Variants in KLF12 observed in about 807,000 individuals in gnomAD.
KLF12 encodes the protein Krueppel-like factor 12.
Under a neutral mutation model 37.8 loss-of-function variants are expected in KLF12, and 9 were observed. The observed-to-expected ratio is 0.24, with a 90% confidence interval of 0.14 to 0.42. The LOEUF is 0.42. Among genes scored for constraint, KLF12 ranks in the 10% least tolerant of loss-of-function variants. The probability of loss-of-function intolerance (pLI) is 1.00; values close to 1 mark genes in which losing one functional copy is unlikely to be tolerated. For synonymous variants in KLF12, 208 were observed against 202.1 expected, an observed-to-expected ratio of 1.03 and a Z score of -0.25; for missense variants, 411 against 516.0, an observed-to-expected ratio of 0.80 and a Z score of 1.97.
chr13:73,847,476 A>G (rs1190639441), intron 3 of KLF12, among the ~76,000 whole-genome samples: 1 of 152,156 alleles, frequency 6.6e-6, no homozygotes, highest in East Asian at 1.9e-4. Flanking sequence ...AAGGAATGAA[A>G]CATGTTTCCT....
chr13:74,221,127 G>C, the KLF12 span, among the ~76,000 whole-genome samples: 9 of 151,248 alleles, frequency 6.0e-5, no homozygotes, highest in Admixed American at 2.0e-4. Flanking sequence ...GCCTCAGCCT[G>C]CGGAGTAGCT....
At chr13:74,248,949 A>G in the KLF12 span, among the ~76,000 whole-genome samples, 2 of 152,112 alleles carry the variant, frequency 1.3e-5, no homozygotes, top group African/African-American at 4.8e-5. Context: ...GGAACAATGG[A>G]CAGTCAGTCT....
intron 6 of KLF12, among the ~76,000 whole-genome samples, chr13:73,758,548 A>G (rs1254183276): frequency 6.6e-6 from 1 of 152,172 alleles, no homozygotes; most frequent in Non-Finnish European, 1.5e-5. Context: ...GAATCAACAA[A>G]GAGTACAATG....
the KLF12 span, among the ~76,000 whole-genome samples, chr13:74,265,143 G>A: frequency 2.7e-4 from 41 of 152,232 alleles, no homozygotes; most frequent in East Asian, 7.7e-3. Context: ...GGAACTACTA[G>A]TATCTACAAA....
intron 1 of KLF12, among the ~76,000 whole-genome samples, chr13:74,060,838 T>C (rs1270556621): frequency 6.6e-6 from 1 of 152,194 alleles, no homozygotes; most frequent in African/African-American, 2.4e-5. Flanking sequence ...TTTTCTAAAA[T>C]GTTCACTGAT....
the KLF12 span, among the ~76,000 whole-genome samples, chr13:74,302,016 C>A: frequency 1.4e-4 from 22 of 152,102 alleles, no homozygotes; most frequent in African/African-American, 4.8e-4. Context: ...TGACAAATAA[C>A]CTCCAGGAAA....
Position 73,693,395 on chromosome 13 carries a change from T to C in KLF12, c.*2095A>G, listed in dbSNP as rs1873927382. ...TAAAGATGCTATTTATCACTAGAAC[T>C]GCAGCCCTTGTTGGAGGGAAATTGC... On this transcript the variant is annotated 3_prime_UTR_variant, in exon 8 of 8. Coordinates refer to ENST00000377669, the MANE Select transcript of KLF12 (RefSeq NM_007249.5). 1.3e-5 allele frequency: 2 copies of C among 152,230 alleles called. No homozygotes were observed. Among genetic ancestry groups the C allele is most frequent in the Admixed American group, 1.3e-4 (2 of 15,282 alleles). 9.4% of individuals were successfully genotyped at this position (152,230 alleles called of 1,614,324 possible).
At chr13:74,114,534 G>A (rs897141679) in intron 1 of KLF12, among the ~76,000 whole-genome samples, 1 of 152,144 alleles carries the variant, frequency 6.6e-6, no homozygotes, top group African/African-American at 2.4e-5. Context: ...GTGGGTCACT[G>A]ACATCATACT....
At chr13:74,123,110 T>C (rs763531653) in intron 1 of KLF12, among the ~76,000 whole-genome samples, 1 of 152,080 alleles carries the variant, frequency 6.6e-6, no homozygotes, top group African/African-American at 2.4e-5. Context: ...TGTGTTTCTT[T>C]GAAAACTTAA....
chr13:74,137,978 C>T (rs1057276601), upstream of KLF12, among the ~76,000 whole-genome samples: 5 of 152,204 alleles, frequency 3.3e-5, no homozygotes, highest in Non-Finnish European at 7.3e-5. Flanking sequence ...TCAGGCTGGT[C>T]TTGAACTCCC....
intron 2 of KLF12, among the ~76,000 whole-genome samples, chr13:73,984,519 G>A (rs914036090): frequency 3.3e-5 from 5 of 152,104 alleles, no homozygotes; most frequent in Admixed American, 2.0e-4. Flanking sequence ...GGACTGGCAT[G>A]TGCCCTTGTA....
intron 4 of KLF12, among the ~76,000 whole-genome samples, chr13:73,837,352 G>A (rs1003605464): frequency 2.0e-5 from 3 of 152,126 alleles, no homozygotes; most frequent in Non-Finnish European, 4.4e-5. Flanking sequence ...ATGAAGCAGC[G>A]AAATCGACAG....
chr13:73,906,571 T>C lies in KLF12; in HGVS notation c.123+37410A>G, dbSNP rs146264611. 9.8e-3 allele frequency among the ~76,000 whole-genome samples: 1,496 copies of C among 152,314 alleles called. 37 individuals are homozygous for C. Among genetic ancestry groups the C allele is most frequent in the African/African-American group, 0.034 (1,426 of 41,554 alleles). On this transcript the variant is annotated intron_variant, in intron 3 of 7. Coordinates refer to ENST00000377669, the MANE Select transcript of KLF12 (RefSeq NM_007249.5). Reference sequence around the variant, plus strand: ...TTTCATTACTTGCTCACTTTTGTGGTTCATCTTTTATTTCTTTAAATAAGT... The same window carrying C: ...TTTCATTACTTGCTCACTTTTGTGGCTCATCTTTTATTTCTTTAAATAAGT...
the KLF12 span, among the ~76,000 whole-genome samples, chr13:74,244,209 C>A: frequency 4.9e-4 from 75 of 152,296 alleles, no homozygotes; most frequent in Admixed American, 3.6e-3. Flanking sequence ...ACCTGGACTT[C>A]CCTCCAGTCT....
the KLF12 span, among the ~76,000 whole-genome samples, chr13:74,238,809 C>T: frequency 4.6e-5 from 7 of 152,008 alleles, no homozygotes; most frequent in East Asian, 1.9e-4. Flanking sequence ...TTTTTTATTG[C>T]GTCTACTTGA....
the KLF12 span, among the ~76,000 whole-genome samples, chr13:74,265,670 T>C: frequency 6.6e-6 from 1 of 152,222 alleles, no homozygotes; most frequent in Non-Finnish European, 1.5e-5. Context: ...CATCTCACTG[T>C]AGGCATAGTG....
intron 5 of KLF12, among the ~76,000 whole-genome samples, chr13:73,776,858 A>G (rs1880639738): frequency 1.3e-5 from 2 of 152,196 alleles, no homozygotes; most frequent in South Asian, 4.1e-4. Flanking sequence ...AAATACATGA[A>G]CAGGAAGGAA....
rs78402781 is a variant in KLF12 at position 73,715,734 on chromosome 13, G to A, written c.870-209C>T. 2.1e-3 allele frequency among the ~76,000 whole-genome samples: 316 copies of A among 152,246 alleles called. 1 individual carries two copies. The highest frequency in any genetic ancestry group is 7.4e-3 in the African/African-American group (306 of 41,556). ...AGTTATTTCCGGCAAAACACTCCAA[G>A]GGAGAGAAAGACATGCTTCAAACAA... On this transcript the variant is annotated intron_variant, in intron 6 of 7. Coordinates refer to ENST00000377669, the MANE Select transcript of KLF12 (RefSeq NM_007249.5).
At chr13:74,013,789 C>T (rs1188372003) in intron 1 of KLF12, among the ~76,000 whole-genome samples, 1 of 151,786 alleles carries the variant, frequency 6.6e-6, no homozygotes, top group African/African-American at 2.4e-5. Flanking sequence ...GTTCAAAAGT[C>T]ACATAAAATA....
Sources: allele counts gnomAD v4.1 joint callset (sites outside exome capture counted in the v4.1 genomes callset), GRCh38; gene constraint gnomAD v4.1.1; transcripts MANE v1.5; gene names NCBI Gene and HGNC (gene_info 2026-07-23, HGNC 2026-07-21).